The following RTTN variants were observed in gnomAD, a reference collection of about 807,000 sequenced individuals.
The protein encoded by RTTN is rotatin.
A neutral mutation model predicts 269.2 loss-of-function variants in RTTN; 182 were observed. The observed-to-expected ratio is 0.68, with a 90% CI of 0.60 to 0.76. RTTN has a LOEUF of 0.76. RTTN is among the 30% of genes least tolerant of loss of function. The pLI is 0.00. For missense variants in RTTN, 2,545 were observed against 2,608.6 expected, an observed-to-expected ratio of 0.98 and a Z score of 0.53; for synonymous variants, 1,006 against 963.5, an observed-to-expected ratio of 1.04 and a Z score of -0.82.
At position 70,109,421 on chromosome 18, in the gene RTTN, C is replaced by T. The variant is rs138830209; in HGVS notation, c.3903+77G>A. On this transcript the variant is annotated intron_variant, in intron 28 of 48. Transcript: ENST00000640769. ...TAATATTCTACATTGAATAGAGTAA[C>T]GTATAATGCACTTGTGGCCTGGCAT... 1,186 of 982,562 alleles carry T rather than the reference C, an allele frequency of 1.2e-3. 3 individuals are homozygous for T. Among genetic ancestry groups the T allele is most frequent in the Non-Finnish European group, 1.4e-3 (859 of 610,650 alleles). 60.9% of individuals were successfully genotyped at this position (982,562 alleles called of 1,614,324 possible). A position where few individuals can be genotyped will look rare whatever the true frequency, so the allele number is the denominator to read the frequency against.
intron 35 of RTTN, among the ~76,000 whole-genome samples, chr18:70,065,612 A>G (rs1030995786): frequency 1.3e-5 from 2 of 152,178 alleles, no homozygotes; most frequent in Non-Finnish European, 2.9e-5. Flanking sequence ...GGAGCCACAC[A>G]GGAATTGGAC....
intron 25 of RTTN, among the ~76,000 whole-genome samples, chr18:70,123,399 T>C (rs2059787394): frequency 6.6e-6 from 1 of 152,096 alleles, no homozygotes; most frequent in African/African-American, 2.4e-5. Context: ...TTATTAACTA[T>C]AGTCACTATG....
chr18:70,109,357 C>G, intron 28 of RTTN, 141 bp downstream of exon 28: 1 of 579,642 alleles, frequency 1.7e-6, no homozygotes, highest in Non-Finnish European at 2.9e-6. Flanking sequence ...ATAAAAATCA[C>G]TAAAACATTT....
chr18:70,204,122 C>T lies in RTTN; in HGVS notation c.361G>A (p.Ala121Thr), dbSNP rs1555784008. The T allele has an allele frequency of 1.1e-5, 18 of 1,613,692 alleles. No individual in the cohort carries two copies. The South Asian group carries it at 1.9e-4, about 17-fold the overall frequency. Reference sequence around the variant, plus strand: ...GTTTGGTATGAGGCAGAAGATAGTGCAGGAACTTCCGAAGGAAGAAGAAAA... The same window carrying T: ...GTTTGGTATGAGGCAGAAGATAGTGTAGGAACTTCCGAAGGAAGAAGAAAA... Reference protein sequence around the residue: ...GLFLLPSEVPALSSASYQTNQ... With the variant: ...GLFLLPSEVPTLSSASYQTNQ... Residue 121 changes from alanine to threonine, a missense_variant, in exon 3 of 49, where the codon GCA becomes ACA. Physicochemically the swap from Ala to Thr is moderately conservative, Grantham distance 58. Transcript: ENST00000640769.
chr18:70,048,220 AAAATTTCTTCAAAAT>A, intron 39 of RTTN, 32 bp from the exon 40 acceptor site: 1 of 1,574,900 alleles, frequency 6.3e-7, no homozygotes, highest in Non-Finnish European at 8.7e-7. Flanking sequence ...TGAATGTTTG[AAAATTTCTTCAAAAT>A]TCAACAAAAA....
intron 14 of RTTN, among the ~76,000 whole-genome samples, chr18:70,162,518 A>T (rs1447196114): frequency 6.6e-6 from 1 of 152,202 alleles, no homozygotes; most frequent in Non-Finnish European, 1.5e-5. Context: ...ACCTCTTCAC[A>T]GGGCGGCAGG....
intron 25 of RTTN, 59 bp downstream of exon 25, chr18:70,127,443 T>C (rs1474988135): frequency 3.8e-6 from 6 of 1,572,122 alleles, no homozygotes; most frequent in Non-Finnish European, 5.2e-6. Flanking sequence ...GGTTAGGAGA[T>C]GAACACAATA....
In RTTN at chr18:70,027,252, G is replaced by C. The variant is rs534872638; in HGVS notation, c.5823+1472C>G. ...ATGCAAACAGCAGGGTGGGGTGGCA[G>C]TGGGTGACCTGGTGAATTACCCAAT... On this transcript the variant is annotated intron_variant, in intron 43 of 48. Transcript: ENST00000640769. Among the ~76,000 whole-genome samples the C allele has an allele frequency of 2.0e-5, 3 of 152,320 alleles. No individual in the cohort carries two copies. In the South Asian group the frequency reaches 6.2e-4, roughly 32 times the overall value.
chr18:70,154,833 ACATG>A (rs1482362540), intron 14 of RTTN, among the ~76,000 whole-genome samples: 3 of 152,194 alleles, frequency 2.0e-5, no homozygotes, highest in Non-Finnish European at 4.4e-5. Context: ...CCAAAGATAA[ACATG>A]CAAAGTAGAA....
rs1292329409 is a variant in RTTN, at chr18:70,205,254, G to T, written c.93C>A (p.His31Gln). ...TGAGATCAGCGTAGCAGATTAAGTT[G>T]TGCTCAATCTTGCAGAGAATACTCT... ...ALKSILCKIE[H>Q]NLICYADLIQ... The change falls in exon 2 of 49, where the codon CAC becomes CAA. Residue 31 changes from histidine to glutamine, a missense_variant. Physicochemically the swap from His to Gln is conservative, Grantham distance 24. Transcript: ENST00000640769. 2.5e-6 allele frequency: 4 copies of T among 1,614,188 alleles called. No individual in the cohort carries two copies. The Middle Eastern group carries it at 4.9e-4, about 200-fold the overall frequency.
intron 36 of RTTN, among the ~76,000 whole-genome samples, chr18:70,058,287 T>C (rs2057875591): frequency 6.6e-6 from 1 of 152,020 alleles, no homozygotes; most frequent in Non-Finnish European, 1.5e-5. Context: ...GAGGCCAAGG[T>C]GGGTGGATCA....
At chr18:70,087,788 A>G (rs1375936724) in intron 31 of RTTN, among the ~76,000 whole-genome samples, 1 of 152,312 alleles carries the variant, frequency 6.6e-6, no homozygotes, top group East Asian at 1.9e-4. Context: ...TTCCGATTTT[A>G]TCTTATCGGA....
chr18:70,074,146 A>G, intron 33 of RTTN, 152 bp from the exon 34 acceptor site: 1 of 493,364 alleles, frequency 2.0e-6, no homozygotes, highest in Middle Eastern at 4.7e-4. Context: ...CTATTTAAAA[A>G]AAAAAAAATC....
At position 70,024,948 on chromosome 18, in the gene RTTN, G is replaced by C. The variant is rs148458931; in HGVS notation, c.5824-100C>G. ...GAAAGCCATCAACATAAGACCCAAGGAGAACCCTGTGGATGGCTTCAGCAT... is the reference window on the plus strand; with the variant it reads ...GAAAGCCATCAACATAAGACCCAAGCAGAACCCTGTGGATGGCTTCAGCAT... On this transcript the variant is annotated intron_variant, in intron 43 of 48. Transcript: ENST00000640769. The C allele has an allele frequency of 5.8e-4, 786 of 1,355,606 alleles. 6 individuals carry two copies. In the East Asian group the frequency reaches 0.014, roughly 24 times the overall value. The allele number at this position is 1,355,606 out of a possible 1,614,324, so 84.0% of individuals were successfully genotyped here. A position where few individuals can be genotyped will look rare whatever the true frequency, so the allele number is the denominator to read the frequency against.
At position 70,191,941 on chromosome 18, in the gene RTTN, G is replaced by A. The variant is rs141529245; in HGVS notation, c.1008-1222C>T. Among the ~76,000 whole-genome samples, 9 of 152,216 alleles carry A rather than the reference G, an allele frequency of 5.9e-5. 1 individual carries two copies. The highest frequency in any genetic ancestry group is 3.3e-4 in the Admixed American group (5 of 15,292). On this transcript the variant is annotated intron_variant, in intron 8 of 48. Transcript: ENST00000640769. Reference sequence around the variant, plus strand: ...TGAGGCAGAAAGGCTTCAGGAGAAAGAGAAAAACATGGCTGAACAACCAAC... The same window carrying A: ...TGAGGCAGAAAGGCTTCAGGAGAAAAAGAAAAACATGGCTGAACAACCAAC...
At chr18:70,157,123 G>A (rs943822870) in intron 14 of RTTN, among the ~76,000 whole-genome samples, 2 of 152,100 alleles carry the variant, frequency 1.3e-5, no homozygotes, top group African/African-American at 4.8e-5. Context: ...CCCTGCCAGT[G>A]CGCACTTGCC....
In RTTN at chr18:70,158,077, G is replaced by C. The variant is rs115745500; in HGVS notation, c.1930-7344C>G. ...CCAACCTCACTAGGCAGGTCAATAA[G>C]CAAATTCAGGAAACTCAGAGAACCC... On this transcript the variant is annotated intron_variant, in intron 14 of 48. Coordinates refer to ENST00000640769, the MANE Select transcript of RTTN (RefSeq NM_173630.4). 4.9e-3 allele frequency among the ~76,000 whole-genome samples: 744 copies of C among 152,098 alleles called. 5 individuals are homozygous for C. Among genetic ancestry groups the C allele is most frequent in the African/African-American group, 0.017 (704 of 41,494 alleles).
At chr18:70,095,203 G>A (rs894842485) in intron 28 of RTTN, among the ~76,000 whole-genome samples, 1 of 150,994 alleles carries the variant, frequency 6.6e-6, no homozygotes, top group Non-Finnish European at 1.5e-5. Flanking sequence ...TCTTGCATGT[G>A]AGATGGGTCT....
intron 46 of RTTN, chr18:70,007,404 CAG>C (rs1156563660): frequency 4.6e-5 from 7 of 152,242 alleles, no homozygotes; most frequent in Admixed American, 3.9e-4. Context: ...GCCAGTGAGA[CAG>C]AGTTGTTCAG....
Sources: gnomAD v4.1 joint callset for allele counts (sites outside exome capture counted in the v4.1 genomes callset) on GRCh38, gnomAD v4.1.1 for gene constraint, MANE v1.5 for transcripts, NCBI Gene and HGNC (gene_info 2026-07-23, HGNC 2026-07-21) for gene names.